The following STXBP4 variants were observed in gnomAD, a reference collection of about 807,000 sequenced individuals.
The protein encoded by STXBP4 is syntaxin binding protein 4.
A neutral mutation model predicts 76.1 loss-of-function variants in STXBP4; 55 were observed. The ratio of observed to expected loss-of-function variants is 0.72; its 90% CI spans 0.58 to 0.91. STXBP4 has a LOEUF of 0.91. STXBP4 is among the 40% of genes least tolerant of loss of function. STXBP4 has a pLI of 0.00. For missense variants in STXBP4, 618 were observed against 636.9 expected (o/e 0.97, Z 0.32); for synonymous variants, 201 against 220.2 (o/e 0.91, Z 0.77).
intron 8 of STXBP4, among the ~76,000 whole-genome samples, chr17:55,014,953 C>T (rs1393428404): frequency 6.6e-6 from 1 of 151,904 alleles, no homozygotes; most frequent in Non-Finnish European, 1.5e-5. Context: ...CTGCCTGCTC[C>T]TCCTGATTTC....
chr17:55,109,958 A>G (rs574528673), intron 16 of STXBP4, among the ~76,000 whole-genome samples: 2 of 152,288 alleles, frequency 1.3e-5, no homozygotes, highest in South Asian at 2.1e-4. Flanking sequence ...TTAAAACAAT[A>G]CAAATGTATT....
At chr17:55,044,019 T>G (rs893558809) in intron 11 of STXBP4, 3 of 166,352 alleles carry the variant, frequency 1.8e-5, no homozygotes, top group African/African-American at 7.1e-5. Context: ...CAACTAATTT[T>G]TTTTTAAATT....
chr17:54,987,139 C>T (rs576727471), intron 3 of STXBP4, among the ~76,000 whole-genome samples: 1 of 152,280 alleles, frequency 6.6e-6, no homozygotes, highest in African/African-American at 2.4e-5. Flanking sequence ...AGTCACATTA[C>T]CAAGATGCAT....
At chr17:55,152,748 C>T (rs1254825051) in intron 17 of STXBP4, among the ~76,000 whole-genome samples, 2 of 152,156 alleles carry the variant, frequency 1.3e-5, no homozygotes, top group East Asian at 3.8e-4. Flanking sequence ...CAGGTCCCTC[C>T]CTTGACACAT....
At chr17:55,130,044 G>A (rs1438528116) in intron 16 of STXBP4, among the ~76,000 whole-genome samples, 1 of 152,162 alleles carries the variant, frequency 6.6e-6, no homozygotes, top group Non-Finnish European at 1.5e-5. Context: ...GGGGTCACAT[G>A]GCAAGGAATG....
chr17:55,000,118 T>C (rs564531175), intron 6 of STXBP4: 2 of 688,946 alleles, frequency 2.9e-6, no homozygotes, highest in Non-Finnish European at 3.6e-6. Context: ...CTCAAAACTA[T>C]GTTAAGAATG....
chr17:54,970,800 T>C (rs1331810688), intron 1 of STXBP4, among the ~76,000 whole-genome samples: 1 of 152,218 alleles, frequency 6.6e-6, no homozygotes, highest in Non-Finnish European at 1.5e-5. Context: ...ACTCCAGTAT[T>C]TCATTTTTTG....
chr17:55,103,793 C>A (rs1339219610), intron 16 of STXBP4, among the ~76,000 whole-genome samples: 1 of 152,030 alleles, frequency 6.6e-6, no homozygotes, highest in Non-Finnish European at 1.5e-5. Flanking sequence ...TTGTTTGTGT[C>A]CTCTAATTTC....
intron 13 of STXBP4, among the ~76,000 whole-genome samples, chr17:55,074,737 A>G (rs924358924): frequency 4.6e-5 from 7 of 151,988 alleles, no homozygotes; most frequent in African/African-American, 1.7e-4. Context: ...CTCTTTTATC[A>G]TAATCGGGTT....
In STXBP4 at chr17:55,072,982, GAATGGA is replaced by G. The variant is rs1213717259; in HGVS notation, c.1101_1106del (p.Glu367_Met368del). The G allele has an allele frequency of 6.2e-7, 1 of 1,614,010 alleles. No individual in the cohort carries two copies. The highest frequency in any genetic ancestry group is 2.2e-5 in the East Asian group (1 of 44,866). ...GAAGCTGCTCAGAGACAGGCACATG[GAATGGA>G]AATGGACTATGAAGAAGTGATCCGT... On this transcript the variant is annotated inframe_deletion, in exon 13 of 18. Transcript: ENST00000376352.
chr17:55,081,260 C>T (rs1252704646), intron 16 of STXBP4, 77 bp downstream of exon 16: 1 of 1,213,458 alleles, frequency 8.2e-7, no homozygotes. Flanking sequence ...AGTTGAATTT[C>T]GTTATAGTGG....
intron 7 of STXBP4, among the ~76,000 whole-genome samples, chr17:55,006,580 TTTA>T (rs1252322492): frequency 2.0e-5 from 3 of 152,228 alleles, no homozygotes; most frequent in Admixed American, 6.5e-5. Context: ...TAGCATCTTT[TTTA>T]TTCATGCACT....
At chr17:55,173,952 G>A (rs1440444097), downstream of STXBP4, among the ~76,000 whole-genome samples, 5 of 152,312 alleles carry the variant, frequency 3.3e-5, no homozygotes, top group Non-Finnish European at 7.4e-5. Context: ...GCAATGGCCA[G>A]TCAAGTCCAG....
intron 14 of STXBP4, among the ~76,000 whole-genome samples, 197 bp from the exon 15 acceptor site, chr17:55,078,489 T>A (rs534046762): frequency 6.6e-6 from 1 of 152,308 alleles, no homozygotes; most frequent in East Asian, 1.9e-4. Context: ...ACTACTTACC[T>A]TATAAAGAAA....
intron 8 of STXBP4, among the ~76,000 whole-genome samples, chr17:55,011,422 G>T (rs904400747): frequency 1.3e-5 from 2 of 150,928 alleles, no homozygotes; most frequent in Admixed American, 6.6e-5. Context: ...CAAAAGAGGG[G>T]AAATTTTGAG....
At chr17:55,083,088 T>C (rs1217442930) in intron 16 of STXBP4, among the ~76,000 whole-genome samples, 1 of 151,850 alleles carries the variant, frequency 6.6e-6, no homozygotes, top group Non-Finnish European at 1.5e-5. Flanking sequence ...TAGGTTCAGG[T>C]GTCTCAGCCT....
chr17:55,146,917 T>G (rs1043867098), intron 17 of STXBP4, among the ~76,000 whole-genome samples: 47 of 152,124 alleles, frequency 3.1e-4, no homozygotes, highest in African/African-American at 1.1e-3. Context: ...AGCTACAGTG[T>G]CTTTTATAAC....
chr17:55,001,011 G>A, intron 7 of STXBP4, 128 bp downstream of exon 7: 1 of 607,792 alleles, frequency 1.6e-6, no homozygotes, highest in Non-Finnish European at 2.8e-6. Context: ...GAACGAAAAA[G>A]TAAAAATAAT....
intron 1 of STXBP4, among the ~76,000 whole-genome samples, chr17:54,969,978 A>C (rs1267578338): frequency 6.6e-6 from 1 of 152,234 alleles, no homozygotes; most frequent in East Asian, 1.9e-4. Flanking sequence ...AAGCGGTAGT[A>C]AAGTAAGGAC....
Sources: allele counts gnomAD v4.1 joint callset (sites outside exome capture counted in the v4.1 genomes callset), GRCh38; gene constraint gnomAD v4.1.1; transcripts MANE v1.5; gene names NCBI Gene and HGNC (gene_info 2026-07-23, HGNC 2026-07-21).